The following KCNJ6 variants were observed in gnomAD, a reference collection of about 807,000 sequenced individuals.
KCNJ6 encodes G protein-activated inward rectifier potassium channel 2.
In KCNJ6, 9 loss-of-function variants were observed where a neutral mutation model predicts 34.2. That is an observed-to-expected ratio of 0.26 (90% CI 0.16 to 0.46). The LOEUF is 0.46. Among genes scored for constraint, KCNJ6 ranks in the 20% least tolerant of loss-of-function variants. The probability of loss-of-function intolerance (pLI) is 1.00; values close to 1 mark genes in which losing one functional copy is unlikely to be tolerated. For missense variants in KCNJ6, 236 were observed against 531.3 expected, an observed-to-expected ratio of 0.44 and a Z score of 5.46; for synonymous variants, 196 against 207.1, an observed-to-expected ratio of 0.95 and a Z score of 0.46.
At chr21:37,632,555 A>G (rs2054338635) in intron 3 of KCNJ6, among the ~76,000 whole-genome samples, 1 of 152,186 alleles carries the variant, frequency 6.6e-6, no homozygotes, top group South Asian at 2.1e-4. Context: ...AACCACAGTG[A>G]GAATCAATAA....
At chr21:37,881,516 TTTG>T (rs1568883391) in intron 1 of KCNJ6, among the ~76,000 whole-genome samples, 1 of 151,964 alleles carries the variant, frequency 6.6e-6, no homozygotes, top group African/African-American at 2.4e-5. Flanking sequence ...CTCTGCTTCT[TTTG>T]TTGTTGTTGT....
At chr21:37,794,116 T>G (rs941920288) in intron 2 of KCNJ6, among the ~76,000 whole-genome samples, 1 of 152,238 alleles carries the variant, frequency 6.6e-6, no homozygotes, top group African/African-American at 2.4e-5. Flanking sequence ...AAAAGTTTCA[T>G]GGAAGAGTTC....
chr21:37,825,234 T>C (rs1056665374), intron 2 of KCNJ6, among the ~76,000 whole-genome samples: 2 of 152,210 alleles, frequency 1.3e-5, no homozygotes, highest in African/African-American at 4.8e-5. Flanking sequence ...TTAAATCTAC[T>C]ACAGTAGTTA....
intron 2 of KCNJ6, among the ~76,000 whole-genome samples, chr21:37,716,798 T>G (rs537123742): frequency 6.6e-6 from 1 of 152,236 alleles, no homozygotes; most frequent in African/African-American, 2.4e-5. Context: ...CGATTTCTGC[T>G]GTTTAAAAGC....
In KCNJ6 at chr21:37,607,482, A is replaced by ATATATATATATATATATATATATAT; in HGVS notation, c.*17676_*17677insATATATATATATATATATATATATA. 34 of 136,738 alleles carry ATATATATATATATATATATATATAT rather than the reference A, an allele frequency of 2.5e-4. No individual in the cohort carries two copies. Among genetic ancestry groups the ATATATATATATATATATATATATAT allele is most frequent in the Non-Finnish European group, 4.0e-4 (26 of 64,754 alleles). The allele number at this position is 136,738 out of a possible 1,614,324, so 8.5% of individuals were successfully genotyped here. A position where few individuals can be genotyped will look rare whatever the true frequency, so the allele number is the denominator to read the frequency against. On this transcript the variant is annotated 3_prime_UTR_variant, in exon 4 of 4. Transcript: ENST00000609713. Reference sequence around the variant, plus strand: ...CTTAAAGATATATATATATATATATATTTTTTTTTTATTTTAAAAAAATTT... The same window carrying ATATATATATATATATATATATATAT: ...CTTAAAGATATATATATATATATATATATATATATATATATATATATATATTTTTTTTTTTATTTTAAAAAAATTT...
intron 1 of KCNJ6, among the ~76,000 whole-genome samples, chr21:37,846,913 C>T (rs2055511689): frequency 6.6e-6 from 1 of 152,126 alleles, no homozygotes; most frequent in South Asian, 2.1e-4. Flanking sequence ...GACACGGTGC[C>T]ATGGCAGGTC....
intron 2 of KCNJ6, among the ~76,000 whole-genome samples, chr21:37,774,351 CT>C (rs527658314): frequency 4.1e-4 from 61 of 149,184 alleles, no homozygotes; most frequent in African/African-American, 5.4e-4. Flanking sequence ...TAGGGCTATT[CT>C]TTTTTTTTTA....
intron 3 of KCNJ6, among the ~76,000 whole-genome samples, chr21:37,684,944 TA>T (rs1283125873): frequency 2.0e-5 from 3 of 152,112 alleles, no homozygotes; most frequent in Non-Finnish European, 4.4e-5. Context: ...TTTCACTACA[TA>T]AAATAAATAT....
chr21:37,799,785 T>C (rs1387620643), intron 2 of KCNJ6, among the ~76,000 whole-genome samples: 2 of 152,194 alleles, frequency 1.3e-5, no homozygotes, highest in Non-Finnish European at 2.9e-5. Flanking sequence ...ATTTAAAATG[T>C]GGTTTAGTTT....
chr21:37,811,916 G>A (rs1273385692), intron 2 of KCNJ6, among the ~76,000 whole-genome samples: 1 of 152,116 alleles, frequency 6.6e-6, no homozygotes, highest in Non-Finnish European at 1.5e-5. Context: ...ACATAACATT[G>A]GAAAAACATT....
intron 1 of KCNJ6, among the ~76,000 whole-genome samples, chr21:37,891,659 G>GAAGACCCTA (rs2055762736): frequency 1.3e-5 from 2 of 151,836 alleles, no homozygotes; most frequent in Non-Finnish European, 2.9e-5. Flanking sequence ...CTGAACCTAG[G>GAAGACCCTA]GGGCCCAGGT....
At chr21:37,782,416 C>G (rs1460719299) in intron 2 of KCNJ6, among the ~76,000 whole-genome samples, 1 of 152,150 alleles carries the variant, frequency 6.6e-6, no homozygotes, top group Non-Finnish European at 1.5e-5. Flanking sequence ...AACACACCCC[C>G]CTCCCTGTAA....
At chr21:37,748,969 A>G (rs1267959415) in intron 2 of KCNJ6, among the ~76,000 whole-genome samples, 4 of 152,350 alleles carry the variant, frequency 2.6e-5, no homozygotes, top group East Asian at 3.9e-4. Flanking sequence ...AACCTGGAGT[A>G]GGCAGTAGAT....
intron 2 of KCNJ6, among the ~76,000 whole-genome samples, chr21:37,816,027 G>C (rs1053344462): frequency 2.0e-5 from 3 of 152,194 alleles, no homozygotes; most frequent in Admixed American, 6.5e-5. Flanking sequence ...CCTCATTTGA[G>C]GTGGCCACAG....
At chr21:37,761,841 T>A (rs1289861604) in intron 2 of KCNJ6, among the ~76,000 whole-genome samples, 2 of 152,118 alleles carry the variant, frequency 1.3e-5, no homozygotes, top group African/African-American at 2.4e-5. Context: ...TCTGTGCGTG[T>A]CTGTGTGCGG....
intron 3 of KCNJ6, among the ~76,000 whole-genome samples, chr21:37,702,822 G>A (rs959490634): frequency 1.6e-4 from 24 of 152,122 alleles, no homozygotes; most frequent in African/African-American, 5.8e-4. Context: ...AAGCAGTAGG[G>A]GAGTCATGAG....
chr21:37,848,252 C>T (rs185407590), intron 1 of KCNJ6, among the ~76,000 whole-genome samples: 188 of 152,240 alleles, frequency 1.2e-3, no homozygotes, highest in Admixed American at 2.7e-3. Context: ...CCTGTGAGCC[C>T]GGGGACTAGC....
intron 2 of KCNJ6, among the ~76,000 whole-genome samples, chr21:37,813,629 G>C (rs2055333079): frequency 6.6e-6 from 1 of 152,160 alleles, no homozygotes; most frequent in South Asian, 2.1e-4. Context: ...TTTCAACAAA[G>C]TTGCTGATAA....
intron 2 of KCNJ6, among the ~76,000 whole-genome samples, chr21:37,800,341 G>C (rs1000566987): frequency 6.6e-6 from 1 of 152,122 alleles, no homozygotes; most frequent in Admixed American, 6.5e-5. Context: ...AAATAAAATA[G>C]GGACCCAAAC....
Sources: gnomAD v4.1 joint callset for allele counts (sites outside exome capture counted in the v4.1 genomes callset) on GRCh38, gnomAD v4.1.1 for gene constraint, MANE v1.5 for transcripts, NCBI Gene and HGNC (gene_info 2026-07-23, HGNC 2026-07-21) for gene names.